The following DCP1B variants were observed in gnomAD, a reference collection of about 807,000 sequenced individuals.
The protein encoded by DCP1B is mRNA-decapping enzyme 1B.
Under a neutral mutation model 60.5 loss-of-function variants are expected in DCP1B, and 47 were observed. The ratio of observed to expected loss-of-function variants is 0.78; its 90% CI spans 0.61 to 0.99. DCP1B has a LOEUF of 0.99. Ranked by LOEUF, DCP1B falls within the 50% of genes least tolerant of loss-of-function variation. DCP1B has a pLI of 0.00. For missense variants in DCP1B, 725 were observed against 756.8 expected (o/e 0.96, Z 0.49); for synonymous variants, 267 against 280.3 (o/e 0.95, Z 0.47).
intron 7 of DCP1B, among the ~76,000 whole-genome samples, chr12:1,950,550 C>T (rs569981351): frequency 6.6e-6 from 1 of 152,146 alleles, no homozygotes; most frequent in African/African-American, 2.4e-5. Flanking sequence ...GCAGTCGGTA[C>T]TCAGATTTGG....
intron 5 of DCP1B, among the ~76,000 whole-genome samples, chr12:1,964,783 A>G (rs918132519): frequency 2.0e-4 from 31 of 152,194 alleles, no homozygotes; most frequent in African/African-American, 7.5e-4. Flanking sequence ...CCATTGGTCT[A>G]TTGGGCTGTT....
rs376668196 is a variant in DCP1B, at chr12:1,952,756, G to A, written c.1184C>T (p.Ala395Val). The change falls in exon 7 of 9, where the codon GCT (alanine) becomes GTT (valine). Residue 395 changes from alanine (A) to valine (V), a missense_variant. Physicochemically the swap from Ala to Val is moderately conservative, Grantham distance 64 (BLOSUM62 0). Transcript: ENST00000280665. Reference protein sequence around the residue: ...SRAPTSVTPVAPGKGLAQPPQ... With the variant: ...SRAPTSVTPVVPGKGLAQPPQ... ...TGGCTGAGCCAGACCCTTTCCTGGA[G>A]CCACAGGGGTGACAGAAGTGGGAGC... 2 of 1,614,196 alleles carry A rather than the reference G, an allele frequency of 1.2e-6. No homozygotes were observed. The highest frequency in any genetic ancestry group is 8.5e-7 in the Non-Finnish European group (1 of 1,180,026).
intron 2 of DCP1B, among the ~76,000 whole-genome samples, chr12:1,997,457 T>G (rs1213093812): frequency 7.2e-5 from 11 of 152,188 alleles, no homozygotes; most frequent in Non-Finnish European, 1.5e-5. Flanking sequence ...GAGGCAGAGG[T>G]TGCAGCAAGC....
downstream of DCP1B, among the ~76,000 whole-genome samples, chr12:1,945,322 T>G (rs60171453): frequency 1.4e-3 from 211 of 152,290 alleles, 1 homozygote; most frequent in African/African-American, 4.9e-3. Flanking sequence ...GCTTTTACAT[T>G]GTTGTTGGGA....
At chr12:1,963,138 T>G (rs1245844943) in intron 5 of DCP1B, among the ~76,000 whole-genome samples, 3 of 152,226 alleles carry the variant, frequency 2.0e-5, no homozygotes, top group Admixed American at 2.0e-4. Context: ...TCTTATCACA[T>G]TAGGAAGCCA....
intron 3 of DCP1B, among the ~76,000 whole-genome samples, chr12:1,979,405 T>G (rs1418405855): frequency 6.6e-6 from 1 of 152,104 alleles, no homozygotes; most frequent in African/African-American, 2.4e-5. Flanking sequence ...ACCTCCACCT[T>G]CAGGGTTCAA....
intron 3 of DCP1B, among the ~76,000 whole-genome samples, chr12:1,973,246 C>T (rs2033112993): frequency 6.6e-6 from 1 of 152,052 alleles, no homozygotes; most frequent in South Asian, 2.1e-4. Flanking sequence ...CACAAATCAG[C>T]GATCCCATGA....
intron 4 of DCP1B, chr12:1,965,992 T>C: frequency 3.6e-6 from 1 of 279,216 alleles, no homozygotes. Flanking sequence ...TTTGTTTACA[T>C]GTTGTTTATG....
intron 3 of DCP1B, chr12:1,991,157 C>T (rs1029532091): frequency 1.8e-5 from 8 of 456,178 alleles, no homozygotes; most frequent in Admixed American, 4.7e-5. Context: ...TAGAGCAGTA[C>T]AGGTGGTGTG....
chr12:1,985,035 T>TAAA (rs796830744), intron 3 of DCP1B, among the ~76,000 whole-genome samples: 3 of 142,448 alleles, frequency 2.1e-5, no homozygotes, highest in Non-Finnish European at 4.6e-5. Context: ...CTTTCAAGAT[T>TAAA]AAAAAAAAAA....
rs113556898 is a variant in DCP1B, at chr12:1,981,534, T to C, written c.319+11730A>G. Among the ~76,000 whole-genome samples, 6 of 152,350 alleles carry C rather than the reference T, an allele frequency of 3.9e-5. 1 individual carries two copies. Among genetic ancestry groups the C allele is most frequent in the African/African-American group, 1.4e-4 (6 of 41,580 alleles). On this transcript the variant is annotated intron_variant, in intron 3 of 8. Coordinates refer to ENST00000280665, the MANE Select transcript of DCP1B (RefSeq NM_152640.5). ...TATAAGCACAACTAGTAATTGCCTT[T>C]ATTTCTAGCTCAGATTTAGCATGTT...
In DCP1B at chr12:1,967,712, A is replaced by G. The variant is rs532580245; in HGVS notation, c.386+132T>C. 197 of 712,376 alleles carry G rather than the reference A, an allele frequency of 2.8e-4. 3 individuals carry two copies. The highest frequency in any genetic ancestry group is 1.1e-3 in the Middle Eastern group (4 of 3,804). 44.1% of individuals were successfully genotyped at this position (712,376 alleles called of 1,614,324 possible). On this transcript the variant is annotated intron_variant, in intron 4 of 8. Transcript: ENST00000280665. ...ATTTTCATTTATTAATTAATACTAA[A>G]TGTCTGCCTAACCAGTGAAAAGGAC... is the stretch of plus-strand genomic sequence containing the variant.
chr12:1,995,040 A>G (rs942378592), intron 2 of DCP1B, among the ~76,000 whole-genome samples: 1 of 152,104 alleles, frequency 6.6e-6, no homozygotes, highest in East Asian at 1.9e-4. Context: ...GAGGAGTTAG[A>G]TTTGGAGAAA....
downstream of DCP1B, among the ~76,000 whole-genome samples, chr12:1,943,953 GAGAA>G (rs1373293766): frequency 6.6e-6 from 1 of 152,166 alleles, no homozygotes. Context: ...AATCAGGCAA[GAGAA>G]AGAAATAATA....
intron 5 of DCP1B, among the ~76,000 whole-genome samples, chr12:1,957,556 A>C (rs989584045): frequency 6.6e-6 from 1 of 152,218 alleles, no homozygotes; most frequent in Non-Finnish European, 1.5e-5. Flanking sequence ...TTCTTGTCTT[A>C]AACCACAAAA....
chr12:1,992,652 T>C (rs1282821826), intron 3 of DCP1B: 4 of 159,096 alleles, frequency 2.5e-5, no homozygotes, highest in African/African-American at 9.6e-5. Flanking sequence ...GATACGAGAG[T>C]AAAATGTAGT....
At chr12:1,991,998 A>G (rs895033546) in intron 3 of DCP1B, 1 of 249,804 alleles carries the variant, frequency 4.0e-6, no homozygotes, top group Non-Finnish European at 8.7e-6. Context: ...AAACCCTGAC[A>G]TAACTATAAG....
At chr12:1,997,511 A>G (rs1161836244) in intron 2 of DCP1B, among the ~76,000 whole-genome samples, 3 of 152,328 alleles carry the variant, frequency 2.0e-5, no homozygotes, top group East Asian at 3.9e-4. Flanking sequence ...TTGGTGACAG[A>G]GCGAGACTCC....
At chr12:1,999,400 T>A (rs763254617) in intron 1 of DCP1B, among the ~76,000 whole-genome samples, 9 of 152,220 alleles carry the variant, frequency 5.9e-5, no homozygotes, top group Non-Finnish European at 1.3e-4. Context: ...TTTATTATTA[T>A]GGAATATGAA....
Sources: allele counts gnomAD v4.1 joint callset (sites outside exome capture counted in the v4.1 genomes callset), GRCh38; gene constraint gnomAD v4.1.1; transcripts MANE v1.5; gene names NCBI Gene and HGNC (gene_info 2026-07-23, HGNC 2026-07-21).